Variants in PRR5L observed in about 807,000 individuals in gnomAD.
PRR5L encodes the protein proline rich 5 like.
A neutral mutation model predicts 36.4 loss-of-function variants in PRR5L; 21 were observed. The observed-to-expected ratio is 0.58, with a 90% CI of 0.41 to 0.83. PRR5L has a LOEUF of 0.83. PRR5L is among the 40% of genes least tolerant of loss of function. PRR5L has a pLI of 0.00. For missense variants in PRR5L, 381 were observed against 473.3 expected, an observed-to-expected ratio of 0.80 and a Z score of 1.81; for synonymous variants, 188 against 197.0, an observed-to-expected ratio of 0.95 and a Z score of 0.38.
chr11:36,431,778 T>C, intron 4 of PRR5L, 75 bp from the exon 5 acceptor site: 1 of 1,391,970 alleles, frequency 7.2e-7, no homozygotes, highest in Non-Finnish European at 1.0e-6. Context: ...CCTTGCCCAC[T>C]GGAAGTGGAA....
Position 36,464,220 on chromosome 11 carries a change from C to G in PRR5L, c.*1484C>G, listed in dbSNP as rs1410052098. 6.6e-6 allele frequency: 1 copy of G among 152,242 alleles called. No individual in the cohort carries two copies. Among genetic ancestry groups the G allele is most frequent in the Non-Finnish European group, 1.5e-5 (1 of 68,016 alleles). 9.4% of individuals were successfully genotyped at this position (152,242 alleles called of 1,614,324 possible). ...AAAAAGACAAGGCTCCCCCTCTGAC[C>G]CTTCCTGTTGGTATTTATGAAATCT... is the stretch of plus-strand genomic sequence containing the variant. On this transcript the variant is annotated 3_prime_UTR_variant, in exon 9 of 9. Transcript: ENST00000530639.
chr11:36,426,327 T>C lies in PRR5L; in HGVS notation c.295-5526T>C, dbSNP rs139079689. 5.3e-5 allele frequency among the ~76,000 whole-genome samples: 8 copies of C among 152,222 alleles called. No homozygotes were observed. In the East Asian group the frequency reaches 1.2e-3, roughly 22 times the overall value. The stretch of plus-strand genomic sequence containing the variant: ...TCTTTGTTAGAACACTTCTAATCTT[T>C]GTTAGAACACTTACTTTGTTAGAAC... On this transcript the variant is annotated intron_variant, in intron 4 of 8. Coordinates refer to ENST00000530639, the MANE Select transcript of PRR5L (RefSeq NM_001160167.2).
chr11:36,347,102 GCTCCAAACTATTAATACTGGTTAC>G (rs1166460065), intron 1 of PRR5L, among the ~76,000 whole-genome samples: 1 of 152,084 alleles, frequency 6.6e-6, no homozygotes, highest in Non-Finnish European at 1.5e-5. Flanking sequence ...ATAAGAATAG[GCTCCAAACTATTAATACTGGTTAC>G]CTTGGGGAGA....
intron 1 of PRR5L, chr11:36,393,813 G>T (rs958198193): frequency 6.6e-6 from 1 of 152,174 alleles, no homozygotes; most frequent in African/African-American, 2.4e-5. Context: ...AGTGAACATG[G>T]AATGTCTTTC....
intron 4 of PRR5L, among the ~76,000 whole-genome samples, chr11:36,421,888 C>A (rs543954926): frequency 1.3e-5 from 2 of 152,190 alleles, no homozygotes; most frequent in Non-Finnish European, 2.9e-5. Flanking sequence ...GAAGGAGGAG[C>A]AGTCCTCGAA....
At chr11:36,417,380 A>G (rs967660055) in intron 3 of PRR5L, among the ~76,000 whole-genome samples, 1 of 152,180 alleles carries the variant, frequency 6.6e-6, no homozygotes, top group Non-Finnish European at 1.5e-5. Context: ...GGGCTGCCCC[A>G]TAGGTTGCTG....
intron 3 of PRR5L, among the ~76,000 whole-genome samples, chr11:36,404,276 T>G (rs1257181845): frequency 6.7e-6 from 1 of 150,268 alleles, no homozygotes; most frequent in Non-Finnish European, 1.5e-5. Flanking sequence ...GTCTTTTTTT[T>G]TTTTTTTTTT....
At chr11:36,388,516 C>T (rs1224085750) in intron 1 of PRR5L, among the ~76,000 whole-genome samples, 1 of 152,160 alleles carries the variant, frequency 6.6e-6, no homozygotes, top group Non-Finnish European at 1.5e-5. Context: ...CGCTGCTACC[C>T]AGCTCCTTGC....
intron 1 of PRR5L, among the ~76,000 whole-genome samples, chr11:36,388,824 G>A (rs1156607686): frequency 6.6e-6 from 1 of 151,148 alleles, no homozygotes; most frequent in Non-Finnish European, 1.5e-5. Context: ...TCAGCCTCCG[G>A]AGTAGCTGGG....
intron 1 of PRR5L, chr11:36,398,282 T>C (rs1857711667): frequency 6.6e-6 from 1 of 152,382 alleles, no homozygotes; most frequent in Admixed American, 6.5e-5. Flanking sequence ...CATCTGTCAA[T>C]GGGACCTGGA....
At position 36,376,523 on chromosome 11, in the gene PRR5L, C is replaced by T. The variant is rs951229057; in HGVS notation, c.-125-24474C>T. Reference sequence around the variant, plus strand: ...GCAGAGCTGGGGGAGGAGGGAGGGACGGAGGGAGGGAGAGCTGGGCAGAGC... The same window carrying T: ...GCAGAGCTGGGGGAGGAGGGAGGGATGGAGGGAGGGAGAGCTGGGCAGAGC... On this transcript the variant is annotated intron_variant, in intron 1 of 8. Coordinates refer to ENST00000530639, the MANE Select transcript of PRR5L (RefSeq NM_001160167.2). The T allele has an allele frequency of 2.9e-6, 3 of 1,026,608 alleles. No homozygotes were observed. The South Asian group carries it at 1.0e-4, about 35-fold the overall frequency. The allele number at this position is 1,026,608 out of a possible 1,614,324, so 63.6% of individuals were successfully genotyped here. A position where few individuals can be genotyped will look rare whatever the true frequency, so the allele number is the denominator to read the frequency against.
intron 3 of PRR5L, among the ~76,000 whole-genome samples, chr11:36,413,897 G>A (rs1858083433): frequency 8.3e-6 from 1 of 120,320 alleles, no homozygotes; most frequent in African/African-American, 3.3e-5. Context: ...AGAGTGTGAT[G>A]TTCCCCTTCC....
chr11:36,309,866 A>G (rs1174183908), intron 1 of PRR5L, among the ~76,000 whole-genome samples: 3 of 132,048 alleles, frequency 2.3e-5, no homozygotes, highest in Admixed American at 1.6e-4. Context: ...TTACAGTTCT[A>G]TGATGTCTCA....
rs1277268055 is a variant in PRR5L, at chr11:36,362,901, G to T, written c.-125-38096G>T. Among the ~76,000 whole-genome samples the T allele has an allele frequency of 2.0e-5, 3 of 152,192 alleles. No homozygotes were observed. In the East Asian group the frequency reaches 5.8e-4, roughly 29 times the overall value. On this transcript the variant is annotated intron_variant, in intron 1 of 8. Coordinates refer to ENST00000530639, the MANE Select transcript of PRR5L (RefSeq NM_001160167.2). ...TGTGTGCTGAGTGCTTGGGCAGCCT[G>T]CCTGGGATGGAGGAGCAGGGCAGCC...
chr11:36,424,314 G>A (rs548624274), intron 4 of PRR5L, among the ~76,000 whole-genome samples: 106 of 152,288 alleles, frequency 7.0e-4, no homozygotes, highest in Non-Finnish European at 1.3e-3. Flanking sequence ...ATCCTTTCAA[G>A]CTCTATGAGG....
At chr11:36,364,898 T>C (rs1363761214) in intron 1 of PRR5L, among the ~76,000 whole-genome samples, 1 of 152,128 alleles carries the variant, frequency 6.6e-6, no homozygotes, top group Non-Finnish European at 1.5e-5. Flanking sequence ...CGTTCCTTTC[T>C]CTCTTCCTTC....
At chr11:36,307,972 T>A (rs945282513) in intron 1 of PRR5L, among the ~76,000 whole-genome samples, 1 of 152,200 alleles carries the variant, frequency 6.6e-6, no homozygotes, top group Non-Finnish European at 1.5e-5. Context: ...ACTGTATGTC[T>A]CACTGGCCCA....
intron 6 of PRR5L, among the ~76,000 whole-genome samples, chr11:36,445,665 C>T (rs1858813607): frequency 6.6e-6 from 1 of 152,118 alleles, no homozygotes; most frequent in South Asian, 2.1e-4. Flanking sequence ...TATAATGGTA[C>T]CTATCTCAAA....
At chr11:36,395,102 A>C (rs555252956) in intron 1 of PRR5L, among the ~76,000 whole-genome samples, 22 of 152,336 alleles carry the variant, frequency 1.4e-4, no homozygotes, top group African/African-American at 4.6e-4. Flanking sequence ...TCCATTGCTG[A>C]GAAGGCACCT....
Sources: gnomAD v4.1 joint callset for allele counts (sites outside exome capture counted in the v4.1 genomes callset) on GRCh38, gnomAD v4.1.1 for gene constraint, MANE v1.5 for transcripts, NCBI Gene and HGNC (gene_info 2026-07-23, HGNC 2026-07-21) for gene names.